Variants in MGAT5B observed in about 807,000 individuals in gnomAD.
MGAT5B encodes the protein N-acetylglucosaminyl-transferase Vb.
In MGAT5B, 54 loss-of-function variants were observed where a neutral mutation model predicts 95.1. That is an observed-to-expected ratio of 0.57 (90% CI 0.46 to 0.71). MGAT5B has a LOEUF of 0.71. Among genes scored for constraint, MGAT5B ranks in the 30% least tolerant of loss-of-function variants. The pLI is 0.00. For missense variants in MGAT5B, 935 were observed against 1,088.6 expected (o/e 0.86, Z 1.99); for synonymous variants, 464 against 451.0 (o/e 1.03, Z -0.36).
chr17:76,890,474 T>C (rs1967823892), intron 3 of MGAT5B, among the ~76,000 whole-genome samples: 1 of 152,186 alleles, frequency 6.6e-6, no homozygotes, highest in Non-Finnish European at 1.5e-5. Context: ...CAAAGTTCCA[T>C]AGCCTCGGGG....
chr17:76,904,977 C>G (rs2145192636), intron 6 of MGAT5B, among the ~76,000 whole-genome samples, 192 bp from the exon 7 acceptor site: 1 of 152,290 alleles, frequency 6.6e-6, no homozygotes, highest in Non-Finnish European at 1.5e-5. Flanking sequence ...TAGAGCTGGG[C>G]TGGGGAGGGT....
At chr17:76,888,207 C>T (rs553678605) in intron 3 of MGAT5B, among the ~76,000 whole-genome samples, 36 of 152,120 alleles carry the variant, frequency 2.4e-4, no homozygotes, top group Middle Eastern at 6.8e-3. Context: ...GGGGGCCTCC[C>T]CAGCATCAGG....
Position 76,882,146 on chromosome 17 carries a change from C to T in MGAT5B, c.182-5C>T, listed in dbSNP as rs745883627. On this transcript the variant is annotated splice_polypyrimidine_tract_variant and splice_region_variant and intron_variant, in intron 2 of 17. Transcript: ENST00000569840. ...CCCCTAACCATACCCACACTCTGCC[C>T]ACAGTGATGGGGGGCCCCGAGTCCC... 1.0e-5 allele frequency: 16 copies of T among 1,606,980 alleles called. No individual in the cohort carries two copies. Among genetic ancestry groups the T allele is most frequent in the Admixed American group, 6.7e-5 (4 of 59,656 alleles).
Position 76,946,355 on chromosome 17 carries a change from G to T in MGAT5B, c.1849-21G>T, listed in dbSNP as rs781308162. The T allele has an allele frequency of 8.7e-6, 14 of 1,600,278 alleles. No homozygotes were observed. In the East Asian group the frequency reaches 3.2e-4, roughly 37 times the overall value. The stretch of plus-strand genomic sequence containing the variant: ...GGCTGGGCCTTCTCCCGCCCCATGT[G>T]TCTGCCCATCCCTCCCACAGGTAGA... On this transcript the variant is annotated intron_variant, in intron 15 of 17. Transcript: ENST00000569840.
At position 76,940,036 on chromosome 17, in the gene MGAT5B, C is replaced by T. The variant is rs748957722; in HGVS notation, c.1585-366C>T. 2.6e-5 allele frequency among the ~76,000 whole-genome samples: 4 copies of T among 152,158 alleles called. No homozygotes were observed. Among genetic ancestry groups the T allele is most frequent in the Non-Finnish European group, 5.9e-5 (4 of 68,020 alleles). ...GAGTGAGGTTCCTGGAGGTCTCTTG[C>T]AGGTGCGGGCCTGCAGCTTTCTTGG... On this transcript the variant is annotated intron_variant, in intron 13 of 17. Transcript: ENST00000569840. This position sits in a 1 kb window ranked among gnomAD's most constrained non-coding sequence, Gnocchi z 4.3.
In MGAT5B at chr17:76,906,777, G is replaced by A. The variant is rs1456313200; in HGVS notation, c.1025+590G>A. On this transcript the variant is annotated intron_variant, in intron 8 of 17. Coordinates refer to ENST00000569840, the MANE Select transcript of MGAT5B (RefSeq NM_001199172.2). This position sits in a 1 kb window ranked among gnomAD's most constrained non-coding sequence, Gnocchi z 4.6. ...GTGGGGATGTCAAGGGGGTAAGAGT[G>A]TGTGATTGGGTTTATTTTTAATCAC... is the stretch of plus-strand genomic sequence containing the variant. Among the ~76,000 whole-genome samples the A allele has an allele frequency of 1.3e-5, 2 of 152,052 alleles. No individual in the cohort carries two copies. The highest frequency in any genetic ancestry group is 2.4e-5 in the African/African-American group (1 of 41,384).
rs768725251 is a variant in MGAT5B, at chr17:76,924,991, G to A, written c.1051G>A (p.Gly351Arg). Residue 351 changes from glycine to arginine, a missense_variant, in exon 9 of 18, where the codon GGA becomes AGA. Transcript: ENST00000569840. ...QSNLGVPPGR[G>R]SCPLTMPLPF... ...TAACTTAGGGGTACCGCCAGGCCGGGGAAGCTGCCCGCTCACCATGCCCCT... is the reference window on the plus strand; with the variant it reads ...TAACTTAGGGGTACCGCCAGGCCGGAGAAGCTGCCCGCTCACCATGCCCCT... 3.0e-5 allele frequency: 48 copies of A among 1,611,870 alleles called. No individual in the cohort carries two copies. The highest frequency in any genetic ancestry group is 6.7e-5 in the East Asian group (3 of 44,766).
intron 10 of MGAT5B, 80 bp downstream of exon 10, chr17:76,926,810 C>A: frequency 6.6e-7 from 1 of 1,521,540 alleles, no homozygotes; most frequent in South Asian, 1.2e-5. Context: ...CGGCCAGGGT[C>A]TCGCTCCTCC....
chr17:76,874,289 A>C (rs1967106687), intron 2 of MGAT5B, among the ~76,000 whole-genome samples: 1 of 152,102 alleles, frequency 6.6e-6, no homozygotes, highest in Admixed American at 6.5e-5. Context: ...GCACTCCATC[A>C]ATACTTAATG....
In MGAT5B at chr17:76,918,182, T is replaced by TC. The variant is rs3044689; in HGVS notation, c.1026-6777dup. On this transcript the variant is annotated intron_variant, in intron 8 of 17. Transcript: ENST00000569840. This position sits in a 1 kb window ranked among gnomAD's most constrained non-coding sequence, Gnocchi z 5.1. Reference sequence around the variant, plus strand: ...CTCCCTCAGTTTCCCTTTCGGAGGCTCCCCCCCAACAACTGCACGCCTTGT... The same window carrying TC: ...CTCCCTCAGTTTCCCTTTCGGAGGCTCCCCCCCCAACAACTGCACGCCTTGT... Among the ~76,000 whole-genome samples the TC allele has an allele frequency of 0.18, 26,613 of 151,560 alleles. 3,052 individuals carry two copies. The highest frequency in any genetic ancestry group is 0.33 in the African/African-American group (13,580 of 41,280).
rs185413190 is a variant in MGAT5B at position 76,926,676 on chromosome 17, C to T, written c.1237C>T (p.Arg413Trp). ...HEEYATLHGY[R>W]TNWGYWNLNP... ...GGAGTACGCCACGCTGCACGGCTAC[C>T]GGACCAACTGGGGCTACTGGAACCT... The change falls in exon 10 of 18, where the codon CGG becomes TGG. Residue 413 changes from arginine (R) to tryptophan (W), a missense_variant. Arg to Trp is a moderately radical substitution (Grantham distance 101). Around this residue, in one of 4 missense-constraint regions of MGAT5B, gnomAD observed 440 missense variants for 523.6 expected, o/e 0.84. Transcript: ENST00000569840. The T allele has an allele frequency of 1.6e-5, 26 of 1,612,718 alleles. No individual in the cohort carries two copies. The highest frequency in any genetic ancestry group is 1.7e-4 in the Middle Eastern group (1 of 6,060).
chr17:76,902,826 G>A (rs747998955), intron 4 of MGAT5B, among the ~76,000 whole-genome samples, 156 bp downstream of exon 4: 5 of 146,982 alleles, frequency 3.4e-5, no homozygotes, highest in African/African-American at 5.4e-5. Flanking sequence ...GCTTTCAGCA[G>A]GACAACTGGG....
In MGAT5B at chr17:76,926,610, GT is replaced by G. The variant is rs762302236; in HGVS notation, c.1172del (p.Val391AlafsTer37). The G allele has an allele frequency of 6.2e-7, 1 of 1,612,038 alleles. No homozygotes were observed. Among genetic ancestry groups the G allele is most frequent in the South Asian group, 1.1e-5 (1 of 91,052 alleles). ...SFKKYRCRIR[V>X]IDTFGTEPAY... ...CTGGGGGGGCAGGTGCCGAATCAGG[GT>G]CATCGACACCTTCGGGACGGAACCT... On this transcript the variant is annotated frameshift_variant, in exon 10 of 18. Coordinates refer to ENST00000569840, the MANE Select transcript of MGAT5B (RefSeq NM_001199172.2). LOFTEE classifies it high-confidence loss of function.
Position 76,882,261 on chromosome 17 carries a change from C to T in MGAT5B, c.292C>T (p.His98Tyr). The change falls in exon 3 of 18, where the codon CAC becomes TAC. Residue 98 changes from histidine to tyrosine, a missense_variant. His to Tyr is a moderately conservative substitution (Grantham distance 83, BLOSUM62 2). Transcript: ENST00000569840. Reference protein sequence around the residue: ...LARLENSSELHRAGGDLHFPA... With the variant: ...LARLENSSELYRAGGDLHFPA... ...CAGGCTGGAGAACAGCAGTGAGCTGCACCGGGCCGGCGGCGACCTGCACTT... is the reference window on the plus strand; with the variant it reads ...CAGGCTGGAGAACAGCAGTGAGCTGTACCGGGCCGGCGGCGACCTGCACTT... 6.2e-7 allele frequency: 1 copy of T among 1,613,368 alleles called. No homozygotes were observed. Among genetic ancestry groups the T allele is most frequent in the Non-Finnish European group, 8.5e-7 (1 of 1,179,818 alleles).
intron 9 of MGAT5B, 88 bp downstream of exon 9, chr17:76,925,185 A>C (rs1969266330): frequency 6.5e-7 from 1 of 1,546,358 alleles, no homozygotes; most frequent in Non-Finnish European, 8.8e-7. Flanking sequence ...GTCCCCACTC[A>C]GCCAGCTGGG....
At chr17:76,902,037 C>A (rs938532148) in intron 3 of MGAT5B, among the ~76,000 whole-genome samples, 6 of 152,176 alleles carry the variant, frequency 3.9e-5, no homozygotes, top group Non-Finnish European at 8.8e-5. Context: ...TGTGGCCACA[C>A]ATGCAAATAT....
At position 76,869,751 on chromosome 17, in the gene MGAT5B, G is replaced by A. The variant is rs1393714229; in HGVS notation, c.68+654G>A. ...AGGGCTACGGGGCGGCTGGAGCCGA[G>A]GCTGCGGCGGAGCGTGGTGGGCGGG... On this transcript the variant is annotated intron_variant, in intron 1 of 17. Transcript: ENST00000569840. This position sits in a 1 kb window ranked among gnomAD's most constrained non-coding sequence, Gnocchi z 7.0. 7.2e-5 allele frequency among the ~76,000 whole-genome samples: 11 copies of A among 152,200 alleles called. No individual in the cohort carries two copies.
intron 2 of MGAT5B, among the ~76,000 whole-genome samples, chr17:76,875,516 A>T (rs1236052909): frequency 6.6e-6 from 1 of 151,964 alleles, no homozygotes; most frequent in South Asian, 2.1e-4. Context: ...TCATCTATAA[A>T]TTACCCAGTC....
chr17:76,893,827 C>CG (rs879598175), intron 3 of MGAT5B, among the ~76,000 whole-genome samples: 9 of 152,122 alleles, frequency 5.9e-5, no homozygotes, highest in African/African-American at 1.7e-4. Context: ...AGACTGGGGG[C>CG]GGGGGGTGCC....
Sources: allele counts gnomAD v4.1 joint callset (sites outside exome capture counted in the v4.1 genomes callset), GRCh38; gene constraint gnomAD v4.1.1; regional missense constraint gnomAD v4.1.1; non-coding constraint Gnocchi (gnomAD v3.1); transcripts MANE v1.5; gene names NCBI Gene and HGNC (gene_info 2026-07-23, HGNC 2026-07-21).